DCHS2: variants seen among roughly 807,000 people sequenced by gnomAD.
DCHS2 encodes the protein dachsous cadherin-related 2.
In DCHS2, 142 loss-of-function variants were observed where a neutral mutation model predicts 182.4. The ratio of observed to expected loss-of-function variants is 0.78; its 90% CI spans 0.68 to 0.89. The LOEUF (loss-of-function observed/expected upper bound fraction) is 0.89. Among genes scored for constraint, DCHS2 ranks in the 40% least tolerant of loss-of-function variants. The pLI, the probability that DCHS2 is intolerant of heterozygous loss-of-function variation, is 0.00. For synonymous variants in DCHS2, 1,740 were observed against 1,663.3 expected (o/e 1.05, Z -1.12); for missense variants, 4,319 against 4,198.6 (o/e 1.03, Z -0.79).
At chr4:154,466,404 C>G (rs544046903) in intron 1 of DCHS2, among the ~76,000 whole-genome samples, 1 of 152,270 alleles carries the variant, frequency 6.6e-6, no homozygotes, top group Admixed American at 6.5e-5. Flanking sequence ...CCAGATGATG[C>G]CTGCACACAG....
intron 15 of DCHS2, among the ~76,000 whole-genome samples, chr4:154,257,879 C>A (rs1732772066): frequency 6.6e-6 from 1 of 152,234 alleles, no homozygotes; most frequent in Non-Finnish European, 1.5e-5. Flanking sequence ...GCTGGTGGGT[C>A]AGGCTCTCTC....
chr4:154,240,408 C>A, intron 18 of DCHS2, 129 bp downstream of exon 18: 1 of 1,111,824 alleles, frequency 9.0e-7, no homozygotes, highest in Non-Finnish European at 1.3e-6. Context: ...AAACCCGCAG[C>A]GTTAACTTAG....
In DCHS2 at chr4:154,233,756, A is replaced by G. The variant is rs1446334339; in HGVS notation, c.*780T>C. ...TCTGTTTGTAAAGAAGGCCAAGATA[A>G]TATGTTTCAGGTGGTAGCAAACCAC... On this transcript the variant is annotated 3_prime_UTR_variant, in exon 20 of 20. Transcript: ENST00000357232. 6.6e-6 allele frequency: 1 copy of G among 152,164 alleles called. No individual in the cohort carries two copies. Among genetic ancestry groups the G allele is most frequent in the African/African-American group, 2.4e-5 (1 of 41,458 alleles). The allele number at this position is 152,164 out of a possible 1,614,324, so 9.4% of individuals were successfully genotyped here. A position where few individuals can be genotyped will look rare whatever the true frequency, so the allele number is the denominator to read the frequency against.
intron 1 of DCHS2, among the ~76,000 whole-genome samples, chr4:154,485,706 A>G (rs1279021695): frequency 6.6e-6 from 1 of 152,242 alleles, no homozygotes; most frequent in Non-Finnish European, 1.5e-5. Context: ...GGATAAATAA[A>G]TGAATTGATG....
intron 13 of DCHS2, among the ~76,000 whole-genome samples, chr4:154,276,063 A>G (rs1159575814): frequency 6.6e-6 from 1 of 152,148 alleles, no homozygotes; most frequent in Non-Finnish European, 1.5e-5. Context: ...AAGATAAAAT[A>G]ACTTAAGGGA....
At position 154,489,546 on chromosome 4, in the gene DCHS2, G is replaced by C. The variant is rs1413390417; in HGVS notation, c.1810C>G (p.Pro604Ala). ...SKMVHTAECG[P>A]SFAIDSESGA... ...CTTTCGGAATCAATGGCAAAAGATG[G>C]TCCACACTCTGCGGTGTGGACCATC... Residue 604 changes from proline to alanine, a missense_variant, in exon 1 of 20, where the codon CCA (proline) becomes GCA (alanine). Pro to Ala is a conservative substitution (Grantham distance 27). Transcript: ENST00000357232. 2 of 1,551,528 alleles carry C rather than the reference G, an allele frequency of 1.3e-6. No homozygotes were observed. Among genetic ancestry groups the C allele is most frequent in the South Asian group, 2.4e-5 (2 of 84,056 alleles).
chr4:154,324,281 T>C (rs1160166622), intron 7 of DCHS2, among the ~76,000 whole-genome samples: 1 of 152,200 alleles, frequency 6.6e-6, no homozygotes, highest in Non-Finnish European at 1.5e-5. Context: ...CCCGGGTCTC[T>C]TTCCATGATC....
chr4:154,441,717 G>A (rs915220891), intron 1 of DCHS2, among the ~76,000 whole-genome samples: 6 of 133,252 alleles, frequency 4.5e-5, no homozygotes, highest in Admixed American at 8.2e-5. Flanking sequence ...AATGAGCTAC[G>A]TCACCATTTA....
intron 1 of DCHS2, among the ~76,000 whole-genome samples, chr4:154,420,877 T>C (rs1196520764): frequency 6.6e-6 from 1 of 152,178 alleles, no homozygotes; most frequent in Non-Finnish European, 1.5e-5. Flanking sequence ...GACTGGTAGC[T>C]ATGCAGGGAA....
intron 16 of DCHS2, among the ~76,000 whole-genome samples, chr4:154,243,459 C>T (rs186493049): frequency 6.6e-6 from 1 of 152,268 alleles, no homozygotes; most frequent in East Asian, 1.9e-4. Flanking sequence ...TTCTCCCTTT[C>T]TCTCACCACC....
intron 19 of DCHS2, among the ~76,000 whole-genome samples, chr4:154,238,785 A>G (rs1427861660): frequency 6.6e-6 from 1 of 152,172 alleles, no homozygotes; most frequent in Non-Finnish European, 1.5e-5. Flanking sequence ...TCCAGACTCT[A>G]GTAATATGAA....
At position 154,341,842 on chromosome 4, in the gene DCHS2, G is replaced by C. The variant is rs971165478; in HGVS notation, c.2477-6738C>G. Among the ~76,000 whole-genome samples the C allele has an allele frequency of 3.9e-5, 6 of 152,154 alleles. No individual in the cohort carries two copies. In the East Asian group the frequency reaches 1.2e-3, roughly 29 times the overall value. On this transcript the variant is annotated intron_variant, in intron 3 of 19. Coordinates refer to ENST00000357232, the MANE Select transcript of DCHS2 (RefSeq NM_001358235.2). ...ATCTCCCAGGTAATATCAGACAGAA[G>C]TATTTCCTGTCTGAAAGTGCTGAAT...
intron 1 of DCHS2, among the ~76,000 whole-genome samples, chr4:154,463,097 A>C (rs1488010726): frequency 6.6e-6 from 1 of 151,704 alleles, no homozygotes; most frequent in African/African-American, 2.4e-5. Flanking sequence ...GTAGGTGTAT[A>C]CATATGTACA....
rs771883426 is a variant in DCHS2, at chr4:154,241,990, C to T, written c.7072+652G>A. ...ATTACGAGTGAAGTAGAGAGGCAAG[C>T]GAGGGTCACCATTATTTTCATCTTC... On this transcript the variant is annotated intron_variant, in intron 17 of 19. Coordinates refer to ENST00000357232, the MANE Select transcript of DCHS2 (RefSeq NM_001358235.2). Among the ~76,000 whole-genome samples, 19 of 152,142 alleles carry T rather than the reference C, an allele frequency of 1.2e-4. 1 individual carries two copies. The South Asian group carries it at 1.7e-3, about 13-fold the overall frequency.
At chr4:154,429,089 G>A (rs1733456318) in intron 1 of DCHS2, among the ~76,000 whole-genome samples, 1 of 152,166 alleles carries the variant, frequency 6.6e-6, no homozygotes, top group Non-Finnish European at 1.5e-5. Context: ...CCTGGCGATG[G>A]TTTATAAACT....
intron 1 of DCHS2, among the ~76,000 whole-genome samples, chr4:154,472,631 A>T (rs1735519118): frequency 6.6e-6 from 1 of 152,220 alleles, no homozygotes; most frequent in Admixed American, 6.5e-5. Context: ...AATTAAGTTC[A>T]TTTTATAATA....
intron 16 of DCHS2, among the ~76,000 whole-genome samples, chr4:154,254,435 G>A (rs915069601): frequency 1.3e-5 from 2 of 152,158 alleles, no homozygotes; most frequent in African/African-American, 4.8e-5. Flanking sequence ...ATAGAGTTAT[G>A]CCTCTTTCTT....
chr4:154,305,047 A>T lies in DCHS2; in HGVS notation c.5395+50T>A, dbSNP rs138890769. The T allele has an allele frequency of 2.2e-3, 3,408 of 1,515,578 alleles. 47 individuals carry two copies. In the South Asian group the frequency reaches 0.028, roughly 12 times the overall value. 93.9% of individuals were successfully genotyped at this position (1,515,578 alleles called of 1,614,324 possible). Reference sequence around the variant, plus strand: ...TTTCACCACTTAACAGGTTTTTTTTAAATTTAATTTTTAATTTTTATTTTT... The same window carrying T: ...TTTCACCACTTAACAGGTTTTTTTTTAATTTAATTTTTAATTTTTATTTTT... On this transcript the variant is annotated intron_variant, in intron 11 of 19. Coordinates refer to ENST00000357232, the MANE Select transcript of DCHS2 (RefSeq NM_001358235.2).
At chr4:154,484,736 T>C (rs573514162) in intron 1 of DCHS2, among the ~76,000 whole-genome samples, 4 of 152,378 alleles carry the variant, frequency 2.6e-5, no homozygotes, top group Admixed American at 2.0e-4. Flanking sequence ...TTTTCATTTA[T>C]AATTTAAAAG....
Sources: allele counts gnomAD v4.1 joint callset (sites outside exome capture counted in the v4.1 genomes callset), GRCh38; gene constraint gnomAD v4.1.1; transcripts MANE v1.5; gene names NCBI Gene and HGNC (gene_info 2026-07-23, HGNC 2026-07-21).